The following NAALADL2 variants were observed in gnomAD, a reference collection of about 807,000 sequenced individuals.
NAALADL2 encodes the protein N-acetylated alpha-linked acidic dipeptidase like 2.
NAALADL2 carries 76 observed loss-of-function variants against 87.2 expected under a neutral mutation model. The observed-to-expected ratio is 0.87, with a 90% CI of 0.72 to 1.05. The LOEUF (loss-of-function observed/expected upper bound fraction) is 1.05, where lower values mean the gene tolerates loss of function less well. Among genes scored for constraint, NAALADL2 ranks in the 50% least tolerant of loss-of-function variants. The probability of loss-of-function intolerance (pLI) is 0.00; values close to 1 mark genes in which losing one functional copy is unlikely to be tolerated. For missense variants in NAALADL2, 1,089 were observed against 945.8 expected (o/e 1.15, Z -1.99); for synonymous variants, 354 against 331.0 (o/e 1.07, Z -0.75).
At position 175,339,663 on chromosome 3, in the gene NAALADL2, GC is replaced by G. The variant is rs375222676; in HGVS notation, c.1090+15341del. ...AAGTGCTGACGGCTTTGAGAAATGT[GC>G]CCTCTTCCCAGAAAACTACATGTAA... On this transcript the variant is annotated intron_variant, in intron 5 of 13. Transcript: ENST00000454872. 5.3e-3 allele frequency among the ~76,000 whole-genome samples: 811 copies of G among 152,226 alleles called. 21 individuals are homozygous for G. The highest frequency in any genetic ancestry group is 0.012 in the South Asian group (60 of 4,826).
At chr3:175,357,282 G>A (rs1187867501) in intron 5 of NAALADL2, among the ~76,000 whole-genome samples, 1 of 152,108 alleles carries the variant, frequency 6.6e-6, no homozygotes, top group Non-Finnish European at 1.5e-5. Flanking sequence ...CTATGCTGCT[G>A]TATTATTTAG....
intron 1 of NAALADL2, among the ~76,000 whole-genome samples, chr3:174,473,236 A>G (rs55894351): frequency 0.015 from 2,217 of 152,214 alleles, 50 homozygotes; most frequent in African/African-American, 0.051. Flanking sequence ...ACCTGGATCA[A>G]TAGACCTGGT....
intron 4 of NAALADL2, among the ~76,000 whole-genome samples, chr3:175,323,414 A>T (rs9840764): frequency 0.25 from 37,102 of 148,466 alleles, 5,686 homozygotes; most frequent in East Asian, 0.45. Flanking sequence ...GGTGCAGCGC[A>T]GCAGCATGGC....
At chr3:174,627,724 A>G (rs1362204051) in intron 2 of NAALADL2, among the ~76,000 whole-genome samples, 2 of 152,204 alleles carry the variant, frequency 1.3e-5, no homozygotes, top group African/African-American at 4.8e-5. Flanking sequence ...AAAATGTGGT[A>G]TGTGTAGGCA....
At chr3:175,344,522 T>C (rs909743297) in intron 5 of NAALADL2, among the ~76,000 whole-genome samples, 1 of 151,952 alleles carries the variant, frequency 6.6e-6, no homozygotes, top group Admixed American at 6.6e-5. Context: ...TATGGGTTAA[T>C]TGGAATTTTG....
chr3:174,558,320 T>C (rs1713118649), intron 2 of NAALADL2, among the ~76,000 whole-genome samples: 1 of 152,124 alleles, frequency 6.6e-6, no homozygotes, highest in Admixed American at 6.5e-5. Context: ...ACTAGTTTTG[T>C]GGAAGACAGT....
intron 2 of NAALADL2, among the ~76,000 whole-genome samples, chr3:175,135,736 C>CTAATGTCAGAGATAGCCAGGTGTCTTGA (rs1290519484): frequency 2.6e-5 from 4 of 152,054 alleles, no homozygotes; most frequent in African/African-American, 4.8e-5. Context: ...ATAGATAAAA[C>CTAATGTCAGAGATAGCCAGGTGTCTTGA]TAATGTCAGA....
intron 2 of NAALADL2, among the ~76,000 whole-genome samples, chr3:174,612,097 A>G (rs1424213941): frequency 6.6e-6 from 1 of 152,014 alleles, no homozygotes; most frequent in East Asian, 1.9e-4. Flanking sequence ...TTCCTTTAGC[A>G]CTTTAAGTAT....
chr3:175,001,693 T>C (rs542789530), intron 1 of NAALADL2, among the ~76,000 whole-genome samples: 30 of 152,246 alleles, frequency 2.0e-4, no homozygotes, highest in African/African-American at 7.0e-4. Flanking sequence ...GTGCCTATTA[T>C]TCTGCAAAAG....
At chr3:175,314,597 ATAG>A (rs1758808129) in intron 4 of NAALADL2, among the ~76,000 whole-genome samples, 1 of 110,978 alleles carries the variant, frequency 9.0e-6, no homozygotes, top group East Asian at 2.6e-4. Context: ...ATATATATAT[ATAG>A]GCTATACATA....
At chr3:174,966,956 G>T (rs921931069) in intron 1 of NAALADL2, among the ~76,000 whole-genome samples, 10 of 152,022 alleles carry the variant, frequency 6.6e-5, no homozygotes, top group African/African-American at 2.2e-4. Flanking sequence ...AATAATAAGT[G>T]TTATCACAGA....
At chr3:174,813,318 T>G (rs1720426292) in intron 3 of NAALADL2, among the ~76,000 whole-genome samples, 2 of 143,334 alleles carry the variant, frequency 1.4e-5, no homozygotes, top group Admixed American at 1.4e-4. Context: ...AGAAAGTTTA[T>G]GAATTTGTGT....
At chr3:175,062,066 A>G (rs1487116340) in intron 1 of NAALADL2, among the ~76,000 whole-genome samples, 1 of 151,136 alleles carries the variant, frequency 6.6e-6, no homozygotes, top group Non-Finnish European at 1.5e-5. Context: ...AACATGAACA[A>G]AACCCATTTA....
chr3:175,621,552 C>G (rs1026576706), intron 10 of NAALADL2, among the ~76,000 whole-genome samples: 10 of 152,182 alleles, frequency 6.6e-5, no homozygotes, highest in Admixed American at 2.6e-4. Flanking sequence ...ATTCTCCATG[C>G]GGAAATACGG....
intron 1 of NAALADL2, among the ~76,000 whole-genome samples, chr3:175,013,408 T>C (rs1378127852): frequency 1.4e-5 from 2 of 146,638 alleles, no homozygotes; most frequent in African/African-American, 5.1e-5. Flanking sequence ...AAGTGATTCT[T>C]ATGCCTAAGC....
intron 1 of NAALADL2, among the ~76,000 whole-genome samples, chr3:174,932,492 A>G (rs1737050983): frequency 6.6e-6 from 1 of 152,146 alleles, no homozygotes. Flanking sequence ...TCACAGGTGA[A>G]TGAAACAGCA....
chr3:174,915,223 G>A (rs755299673), intron 1 of NAALADL2, among the ~76,000 whole-genome samples: 1 of 152,014 alleles, frequency 6.6e-6, no homozygotes, highest in Non-Finnish European at 1.5e-5. Flanking sequence ...GCATTTTGAG[G>A]GATGGCAGCA....
chr3:174,447,458 T>C (rs985975860), intron 1 of NAALADL2, among the ~76,000 whole-genome samples: 1 of 152,122 alleles, frequency 6.6e-6, no homozygotes, highest in African/African-American at 2.4e-5. Context: ...ATTTAACGGG[T>C]AAGTTAAATA....
At chr3:174,466,536 A>G (rs1055517596) in intron 1 of NAALADL2, among the ~76,000 whole-genome samples, 1 of 152,190 alleles carries the variant, frequency 6.6e-6, no homozygotes, top group African/African-American at 2.4e-5. Context: ...AGTAGTTGCT[A>G]TGACACATTT....
Sources: allele counts gnomAD v4.1 joint callset (sites outside exome capture counted in the v4.1 genomes callset), GRCh38; gene constraint gnomAD v4.1.1; transcripts MANE v1.5; gene names NCBI Gene and HGNC (gene_info 2026-07-23, HGNC 2026-07-21).